The following NINL variants were observed in gnomAD, a reference collection of about 807,000 sequenced individuals.
NINL encodes ninein like.
A neutral mutation model predicts 160.3 loss-of-function variants in NINL; 153 were observed. The ratio of observed to expected loss-of-function variants is 0.95; its 90% CI spans 0.84 to 1.09. The LOEUF (loss-of-function observed/expected upper bound fraction) is 1.09. NINL is among the 50% of genes least tolerant of loss of function. The pLI, the probability that NINL is intolerant of heterozygous loss-of-function variation, is 0.00. For synonymous variants in NINL, 800 were observed against 734.8 expected (o/e 1.09, Z -1.43); for missense variants, 1,829 against 1,764.0 (o/e 1.04, Z -0.66).
chr20:25,536,755 A>G (rs2064563236), intron 1 of NINL, among the ~76,000 whole-genome samples: 1 of 8,068 alleles, frequency 1.2e-4, no homozygotes, highest in African/African-American at 1.4e-4. Flanking sequence ...AGCCCAGACA[A>G]CATCAGCCCA....
chr20:25,476,636 T>C lies in NINL; in HGVS notation c.2655A>G (p.Thr885=), dbSNP rs1189670255. ...AGPRRRQAQD[T]EATQSPAPAP... is the part of the protein sequence containing the mutation. ...CGGGGGCCGGGCTCTGCGTAGCTTCTGTGTCCTGGGCTTGCCTGCGGCGAG... is the reference window on the plus strand; with the variant it reads ...CGGGGGCCGGGCTCTGCGTAGCTTCCGTGTCCTGGGCTTGCCTGCGGCGAG... Residue 885 remains threonine, a synonymous_variant, in exon 17 of 24, where the codon ACA becomes ACG. Transcript: ENST00000278886. The C allele has an allele frequency of 2.5e-6, 4 of 1,592,038 alleles. No individual in the cohort carries two copies. The highest frequency in any genetic ancestry group is 3.4e-6 in the Non-Finnish European group (4 of 1,175,836).
At position 25,555,652 on chromosome 20, in the gene NINL, G is replaced by A. The variant is rs185634051; in HGVS notation, c.-11-29054C>T. ...AGGCCAAGGTAGGAGGATCGCTTGA[G>A]TCCAGGAGTTTGAGACTAGCCTGGG... On this transcript the variant is annotated intron_variant, in intron 1 of 23. Transcript: ENST00000278886. Among the ~76,000 whole-genome samples the A allele has an allele frequency of 3.3e-5, 5 of 152,204 alleles. No homozygotes were observed. In the East Asian group the frequency reaches 7.8e-4, roughly 24 times the overall value.
intron 13 of NINL, among the ~76,000 whole-genome samples, chr20:25,482,631 G>A (rs1042945907): frequency 5.9e-5 from 9 of 151,948 alleles, no homozygotes; most frequent in East Asian, 1.9e-4. Flanking sequence ...GGTTACAGGC[G>A]TGAGCCACCA....
rs765758909 is a variant in NINL at position 25,503,967 on chromosome 20, A to G, written c.846T>C (p.Ala282=). 1 of 1,614,174 alleles carries G rather than the reference A, an allele frequency of 6.2e-7. No individual in the cohort carries two copies. The highest frequency in any genetic ancestry group is 8.5e-7 in the Non-Finnish European group (1 of 1,180,016). Reference sequence around the variant, plus strand: ...TGCATTTTACCTGGTAATGAGACCAAGCCTTGCTCGGTTTAACCCGAGTGG... The same window carrying G: ...TGCATTTTACCTGGTAATGAGACCAGGCCTTGCTCGGTTTAACCCGAGTGG... ...ESSTRVKPSK[A]WSHYQVPEES... Residue 282 remains alanine (A), a synonymous_variant, in exon 7 of 24, where the codon GCT becomes GCC. Transcript: ENST00000278886.
At chr20:25,562,947 C>T (rs1208200204) in intron 1 of NINL, among the ~76,000 whole-genome samples, 1 of 152,164 alleles carries the variant, frequency 6.6e-6, no homozygotes, top group East Asian at 1.9e-4. Flanking sequence ...GCGGGCAGAT[C>T]ACGAGGTCAG....
At chr20:25,583,941 G>A (rs556335190) in intron 1 of NINL, among the ~76,000 whole-genome samples, 3 of 152,150 alleles carry the variant, frequency 2.0e-5, no homozygotes, top group Non-Finnish European at 2.9e-5. Flanking sequence ...CATGGACACA[G>A]GGAGGGGAAC....
intron 8 of NINL, among the ~76,000 whole-genome samples, chr20:25,500,628 A>T (rs542164209): frequency 6.6e-6 from 1 of 152,308 alleles, no homozygotes; most frequent in African/African-American, 2.4e-5. Flanking sequence ...TTTGTGTTTT[A>T]TTTCTTATCT....
At position 25,491,542 on chromosome 20, in the gene NINL, A is replaced by T. The variant is rs368881263; in HGVS notation, c.1311-17T>A. The T allele has an allele frequency of 1.2e-6, 2 of 1,609,930 alleles. No homozygotes were observed. The highest frequency in any genetic ancestry group is 1.7e-5 in the Admixed American group (1 of 59,894). ...TCCAGATGCCTGTAACATGTCACAC[A>T]TCACACGTCAGACATGTCATGTCAG... On this transcript the variant is annotated splice_polypyrimidine_tract_variant and intron_variant, in intron 10 of 23. Transcript: ENST00000278886.
At chr20:25,489,760 T>C in intron 12 of NINL, 115 bp downstream of exon 12, 1 of 777,304 alleles carries the variant, frequency 1.3e-6, no homozygotes, top group Non-Finnish European at 2.2e-6. Context: ...TTCTAAATTT[T>C]AGGAGAATAC....
At chr20:25,477,906 G>C (rs1377760965) in intron 16 of NINL, among the ~76,000 whole-genome samples, 1 of 151,696 alleles carries the variant, frequency 6.6e-6, no homozygotes, top group African/African-American at 2.4e-5. Context: ...AGCCTGGGGA[G>C]GCACAGGATG....
At chr20:25,497,531 A>G (rs1165473313) in intron 9 of NINL, among the ~76,000 whole-genome samples, 1 of 152,230 alleles carries the variant, frequency 6.6e-6, no homozygotes, top group Non-Finnish European at 1.5e-5. Context: ...GTTTCTGCCA[A>G]TCTTTTCTGC....
intron 5 of NINL, among the ~76,000 whole-genome samples, chr20:25,506,817 T>C (rs2063971485): frequency 6.6e-6 from 1 of 152,136 alleles, no homozygotes; most frequent in Non-Finnish European, 1.5e-5. Context: ...ACATCATGAG[T>C]CTGGATCCAT....
chr20:25,573,477 A>C (rs2065078670), intron 1 of NINL, among the ~76,000 whole-genome samples: 1 of 152,146 alleles, frequency 6.6e-6, no homozygotes, highest in African/African-American at 2.4e-5. Flanking sequence ...TACGCTCTCT[A>C]CACGTATCCT....
chr20:25,534,222 G>C (rs531107466), intron 1 of NINL, among the ~76,000 whole-genome samples: 19 of 152,186 alleles, frequency 1.2e-4, no homozygotes, highest in African/African-American at 4.3e-4. Context: ...CCCCAACAAA[G>C]CTTTGTCTCT....
chr20:25,493,513 A>G (rs1011714336), intron 10 of NINL, among the ~76,000 whole-genome samples: 1 of 152,110 alleles, frequency 6.6e-6, no homozygotes. Context: ...TCCCTGACAT[A>G]CTTTCAGCTC....
At chr20:25,560,112 A>C (rs940420249) in intron 1 of NINL, among the ~76,000 whole-genome samples, 1 of 151,940 alleles carries the variant, frequency 6.6e-6, no homozygotes, top group Admixed American at 6.6e-5. Context: ...TACTCAGCTA[A>C]TTTTTAAAAT....
chr20:25,581,024 C>T (rs2065168894), intron 1 of NINL, among the ~76,000 whole-genome samples: 1 of 152,242 alleles, frequency 6.6e-6, no homozygotes, highest in Admixed American at 6.5e-5. Context: ...TTACCTGCAG[C>T]TAGGAAGCCA....
chr20:25,517,138 T>C (rs1403208862), intron 3 of NINL, among the ~76,000 whole-genome samples: 4 of 152,112 alleles, frequency 2.6e-5, no homozygotes, highest in Non-Finnish European at 5.9e-5. Flanking sequence ...CCAAACCCTG[T>C]GACAGCCTTG....
At chr20:25,526,350 A>T in intron 2 of NINL, 58 bp downstream of exon 2, 1 of 1,477,374 alleles carries the variant, frequency 6.8e-7, no homozygotes, top group Non-Finnish European at 9.2e-7. Flanking sequence ...TCAAATGCCC[A>T]TAAGAGCCAA....
Sources: gnomAD v4.1 joint callset for allele counts (sites outside exome capture counted in the v4.1 genomes callset) on GRCh38, gnomAD v4.1.1 for gene constraint, MANE v1.5 for transcripts, NCBI Gene and HGNC (gene_info 2026-07-23, HGNC 2026-07-21) for gene names.